LAMA2: variants seen among roughly 807,000 people sequenced by gnomAD.
LAMA2 encodes the protein laminin subunit alpha 2.
Under a neutral mutation model 364.8 loss-of-function variants are expected in LAMA2, and 269 were observed. The observed-to-expected ratio is 0.74, with a 90% CI of 0.67 to 0.82. LAMA2 has a LOEUF of 0.82. Among genes scored for constraint, LAMA2 ranks in the 40% least tolerant of loss-of-function variants. LAMA2 has a pLI of 0.00. For missense variants in LAMA2, 3,807 were observed against 3,873.2 expected (o/e 0.98, Z 0.45); for synonymous variants, 1,379 against 1,370.6 (o/e 1.01, Z -0.14).
chr6:129,294,571 G>T (rs1341381735), intron 20 of LAMA2, among the ~76,000 whole-genome samples: 1 of 151,990 alleles, frequency 6.6e-6, no homozygotes, highest in Non-Finnish European at 1.5e-5. Flanking sequence ...CCTCCCAAAG[G>T]CCCCACCTCC....
At chr6:129,225,913 T>C (rs1425725598) in intron 12 of LAMA2, among the ~76,000 whole-genome samples, 6 of 152,220 alleles carry the variant, frequency 3.9e-5, no homozygotes, top group Admixed American at 3.3e-4. Context: ...CTCGTTGATC[T>C]GTCTAATGTT....
Position 129,270,768 on chromosome 6 carries a change from C to G in LAMA2, c.2450+17C>G, listed in dbSNP as rs539522292. 1.4e-5 allele frequency: 23 copies of G among 1,612,164 alleles called. No homozygotes were observed. In the Admixed American group the frequency reaches 3.5e-4, roughly 25 times the overall value. ...ATCCAATAAGTAAGTAACAAACTTACCCCATGAATAAGCTCAGCATCCATT... is the reference window on the plus strand; with the variant it reads ...ATCCAATAAGTAAGTAACAAACTTAGCCCATGAATAAGCTCAGCATCCATT... On this transcript the variant is annotated intron_variant, in intron 17 of 64. Transcript: ENST00000421865.
intron 37 of LAMA2, among the ~76,000 whole-genome samples, chr6:129,400,870 T>C (rs924213739): frequency 9.2e-5 from 14 of 152,368 alleles, no homozygotes; most frequent in Non-Finnish European, 1.5e-4. Context: ...ATATAGATTC[T>C]AGAATTCAAT....
chr6:129,217,258 A>G (rs563659109), intron 12 of LAMA2, among the ~76,000 whole-genome samples: 3 of 152,224 alleles, frequency 2.0e-5, no homozygotes, highest in African/African-American at 7.2e-5. Context: ...ATCTATTTTT[A>G]GAATCTCAAA....
chr6:129,316,704 C>T (rs566785413), intron 27 of LAMA2, among the ~76,000 whole-genome samples: 20 of 152,250 alleles, frequency 1.3e-4, no homozygotes, highest in African/African-American at 4.1e-4. Context: ...GCAATGTTGT[C>T]GAACCTACAT....
chr6:129,284,286 T>C (rs902368), intron 18 of LAMA2, among the ~76,000 whole-genome samples: 151,479 of 152,150 alleles, frequency 1, 75,411 homozygotes, highest in Middle Eastern at 1. Flanking sequence ...CACTCCTCCA[T>C]CCGAGACTAA....
intron 1 of LAMA2, among the ~76,000 whole-genome samples, chr6:128,904,452 C>CTTTT (rs562812796): frequency 1.8e-4 from 22 of 119,278 alleles, no homozygotes; most frequent in Admixed American, 2.6e-4. Context: ...TTTTTCCTTT[C>CTTTT]TTTTTTTTTT....
intron 45 of LAMA2, 27 bp from the exon 46 acceptor site, chr6:129,452,961 G>C: frequency 6.2e-7 from 1 of 1,606,526 alleles, no homozygotes; most frequent in Non-Finnish European, 8.5e-7. Flanking sequence ...TTTACTCTTG[G>C]TTCTTTGTAT....
At chr6:128,994,657 T>C (rs1194543362) in intron 1 of LAMA2, among the ~76,000 whole-genome samples, 2 of 152,152 alleles carry the variant, frequency 1.3e-5, no homozygotes, top group Non-Finnish European at 2.9e-5. Context: ...CTCTACTGTA[T>C]AGAAATTTAG....
chr6:129,028,592 A>G (rs1297167158), intron 1 of LAMA2, among the ~76,000 whole-genome samples: 1 of 151,864 alleles, frequency 6.6e-6, no homozygotes, highest in Non-Finnish European at 1.5e-5. Flanking sequence ...AATATATAGA[A>G]TTCTAAAAAT....
At position 129,353,163 on chromosome 6, in the gene LAMA2, G is replaced by C; in HGVS notation, c.4524-1G>C. The C allele has an allele frequency of 6.2e-7, 1 of 1,612,028 alleles. No homozygotes were observed. Among genetic ancestry groups the C allele is most frequent in the Non-Finnish European group, 8.5e-7 (1 of 1,178,410 alleles). ...TTTGCTTTGTCACTGTTTCAATTCA[G>C]GTGTGCCCCTGGCTATACTGGCAGT... On this transcript the variant is annotated splice_acceptor_variant, in intron 31 of 64. Coordinates refer to ENST00000421865, the MANE Select transcript of LAMA2 (RefSeq NM_000426.4). LOFTEE classifies it high-confidence loss of function.
chr6:129,125,179 G>A (rs1175370221), intron 4 of LAMA2, among the ~76,000 whole-genome samples: 1 of 152,194 alleles, frequency 6.6e-6, no homozygotes, highest in East Asian at 1.9e-4. Context: ...GAAGGATTGA[G>A]TTGCTTTGAA....
At chr6:129,433,001 C>G (rs975381604) in intron 41 of LAMA2, among the ~76,000 whole-genome samples, 1 of 152,192 alleles carries the variant, frequency 6.6e-6, no homozygotes, top group Non-Finnish European at 1.5e-5. Context: ...CATAACCTGA[C>G]TCCCTGTGAA....
intron 12 of LAMA2, among the ~76,000 whole-genome samples, chr6:129,232,476 A>G (rs1784723614): frequency 6.6e-6 from 1 of 152,140 alleles, no homozygotes; most frequent in Admixed American, 6.6e-5. Flanking sequence ...ATATCTTAGA[A>G]CAAAATATAG....
At chr6:128,980,820 A>G (rs954504546) in intron 1 of LAMA2, among the ~76,000 whole-genome samples, 1 of 152,216 alleles carries the variant, frequency 6.6e-6, no homozygotes, top group Non-Finnish European at 1.5e-5. Context: ...CAATAAAAAA[A>G]GCTTTGATTT....
intron 3 of LAMA2, among the ~76,000 whole-genome samples, chr6:129,095,609 G>A (rs1290440983): frequency 6.6e-6 from 1 of 151,916 alleles, no homozygotes; most frequent in Non-Finnish European, 1.5e-5. Context: ...CATGGGTTAT[G>A]GGTTAAAGAT....
chr6:128,897,057 T>C (rs1204885998), intron 1 of LAMA2, among the ~76,000 whole-genome samples: 1 of 152,220 alleles, frequency 6.6e-6, no homozygotes, highest in Non-Finnish European at 1.5e-5. Context: ...TAAGTAACTT[T>C]CCAAAAGTAA....
At chr6:129,476,892 T>C (rs1337710045) in intron 53 of LAMA2, among the ~76,000 whole-genome samples, 3 of 149,298 alleles carry the variant, frequency 2.0e-5, no homozygotes, top group Non-Finnish European at 4.5e-5. Context: ...AGTGCGGGGG[T>C]GGAAACAGAC....
intron 4 of LAMA2, among the ~76,000 whole-genome samples, chr6:129,129,717 G>A (rs1777339411): frequency 6.6e-6 from 1 of 151,990 alleles, no homozygotes; most frequent in Non-Finnish European, 1.5e-5. Flanking sequence ...GAGGTCAGGA[G>A]ATCGAGACCA....
Sources: allele counts gnomAD v4.1 joint callset (sites outside exome capture counted in the v4.1 genomes callset), GRCh38; gene constraint gnomAD v4.1.1; transcripts MANE v1.5; gene names NCBI Gene and HGNC (gene_info 2026-07-23, HGNC 2026-07-21).